The following COL14A1 variants were observed in gnomAD, a reference collection of about 807,000 sequenced individuals.
COL14A1 encodes collagen alpha-1(XIV) chain.
In COL14A1, 136 loss-of-function variants were observed where a neutral mutation model predicts 230.3. The ratio of observed to expected loss-of-function variants is 0.59; its 90% CI spans 0.51 to 0.68. The LOEUF (loss-of-function observed/expected upper bound fraction) is 0.68. COL14A1 is among the 30% of genes least tolerant of loss of function. COL14A1 has a pLI of 0.00. For missense variants in COL14A1, 1,976 were observed against 2,215.8 expected (o/e 0.89, Z 2.17); for synonymous variants, 792 against 784.1 (o/e 1.01, Z -0.17).
At chr8:120,161,646 G>A (rs540917234) in intron 3 of COL14A1, among the ~76,000 whole-genome samples, 9 of 152,150 alleles carry the variant, frequency 5.9e-5, no homozygotes, top group South Asian at 4.2e-4. Context: ...AATTACCTTC[G>A]GCCTGCCCAT....
At chr8:120,192,652 G>T (rs1296734010) in intron 5 of COL14A1, among the ~76,000 whole-genome samples, 1 of 152,100 alleles carries the variant, frequency 6.6e-6, no homozygotes, top group Non-Finnish European at 1.5e-5. Context: ...TTCCAACTTG[G>T]TTCCATTCTC....
At chr8:120,178,642 G>A (rs979901341) in intron 5 of COL14A1, among the ~76,000 whole-genome samples, 10 of 152,132 alleles carry the variant, frequency 6.6e-5, no homozygotes, top group African/African-American at 1.9e-4. Context: ...GATCCTTGAG[G>A]AAATGCCACA....
chr8:120,128,228 CGT>C (rs33988612), intron 1 of COL14A1, among the ~76,000 whole-genome samples: 47,785 of 146,144 alleles, frequency 0.33, 8,072 homozygotes, highest in East Asian at 0.47. Context: ...TGTGCGCGCG[CGT>C]GTGTGTGTGT....
chr8:120,191,944 C>A (rs1191755689), intron 5 of COL14A1, among the ~76,000 whole-genome samples: 1 of 151,824 alleles, frequency 6.6e-6, no homozygotes, highest in Non-Finnish European at 1.5e-5. Context: ...TATGTCTCTG[C>A]ACGTGAGATG....
At chr8:120,163,487 G>C (rs1179193497) in intron 4 of COL14A1, among the ~76,000 whole-genome samples, 1 of 152,136 alleles carries the variant, frequency 6.6e-6, no homozygotes, top group South Asian at 2.1e-4. Flanking sequence ...ACACAGGCTG[G>C]GTGCGTTGAC....
intron 1 of COL14A1, among the ~76,000 whole-genome samples, chr8:120,128,540 G>C (rs1814429542): frequency 6.6e-6 from 1 of 152,162 alleles, no homozygotes; most frequent in Admixed American, 6.5e-5. Flanking sequence ...TTCAAGGCCA[G>C]CATGGCCAAC....
chr8:120,354,254 G>A (rs1346455221), intron 45 of COL14A1, among the ~76,000 whole-genome samples: 1 of 98,920 alleles, frequency 1.0e-5, no homozygotes, highest in Non-Finnish European at 2.0e-5. Flanking sequence ...GGTGGGGGGA[G>A]GGGGGAGGGA....
Position 120,341,180 on chromosome 8 carries a change from T to C in COL14A1, c.4786-145T>C, listed in dbSNP as rs531022628. On this transcript the variant is annotated intron_variant, in intron 42 of 47. Coordinates refer to ENST00000297848, the MANE Select transcript of COL14A1 (RefSeq NM_021110.4). ...TTTGGTGTGCGTACTGGTTGCTGTT[T>C]ATTTTCTGTTGTTGTGTAATGATTT... 94 of 773,296 alleles carry C rather than the reference T, an allele frequency of 1.2e-4. No homozygotes were observed. The East Asian group carries it at 2.4e-3, about 20-fold the overall frequency. The allele number at this position is 773,296 out of a possible 1,614,324, so 47.9% of individuals were successfully genotyped here.
chr8:120,222,009 C>G (rs1817949020), intron 14 of COL14A1, among the ~76,000 whole-genome samples: 1 of 152,054 alleles, frequency 6.6e-6, no homozygotes, highest in Non-Finnish European at 1.5e-5. Context: ...GTTGTATTTT[C>G]TGTGAGCTTA....
At chr8:120,241,795 A>G (rs1818616677) in intron 19 of COL14A1, among the ~76,000 whole-genome samples, 1 of 152,170 alleles carries the variant, frequency 6.6e-6, no homozygotes, top group Admixed American at 6.5e-5. Flanking sequence ...GGGTTTCGGT[A>G]TGGCTCTTTT....
intron 5 of COL14A1, among the ~76,000 whole-genome samples, chr8:120,195,711 A>G (rs1317274897): frequency 6.6e-6 from 1 of 152,110 alleles, no homozygotes; most frequent in Non-Finnish European, 1.5e-5. Flanking sequence ...AAACCATCAG[A>G]TCTTGTGAGA....
intron 36 of COL14A1, among the ~76,000 whole-genome samples, chr8:120,306,681 T>C (rs541665427): frequency 1.3e-5 from 2 of 152,340 alleles, no homozygotes; most frequent in East Asian, 1.9e-4. Flanking sequence ...TGCTGAATTC[T>C]TGTGATATGC....
At chr8:120,288,092 A>G (rs1820262625) in intron 33 of COL14A1, among the ~76,000 whole-genome samples, 1 of 152,088 alleles carries the variant, frequency 6.6e-6, no homozygotes, top group Non-Finnish European at 1.5e-5. Flanking sequence ...CAGGGGTACT[A>G]GAAACTAAGT....
At chr8:120,366,428 G>A (rs1823408348) in intron 45 of COL14A1, among the ~76,000 whole-genome samples, 1 of 152,182 alleles carries the variant, frequency 6.6e-6, no homozygotes, top group Non-Finnish European at 1.5e-5. Flanking sequence ...TATGATGTAA[G>A]CCAGGGTAAC....
rs757018970 is a variant in COL14A1 at position 120,266,849 on chromosome 8, A to T, written c.3039A>T (p.Pro1013=). Residue 1013 remains proline, a synonymous_variant, in exon 25 of 48, where the codon CCA becomes CCT. Coordinates refer to ENST00000297848, the MANE Select transcript of COL14A1 (RefSeq NM_021110.4). ...CAGAATCACTTCCTACACGACCACC[A>T]ACTTTTCCTCCAACCATTCCACCAG... is the stretch of plus-strand genomic sequence containing the variant. ...EKTQSLPTRP[P]TFPPTIPPAK... 6.2e-7 allele frequency: 1 copy of T among 1,612,302 alleles called. No homozygotes were observed. Among genetic ancestry groups the T allele is most frequent in the African/African-American group, 1.3e-5 (1 of 74,790 alleles).
At chr8:120,276,933 G>C (rs1417574569) in intron 26 of COL14A1, among the ~76,000 whole-genome samples, 4 of 152,076 alleles carry the variant, frequency 2.6e-5, no homozygotes, top group African/African-American at 7.2e-5. Context: ...TTGAATTGCA[G>C]GAGACTTTAT....
intron 26 of COL14A1, among the ~76,000 whole-genome samples, chr8:120,276,279 T>C (rs1819841950): frequency 6.6e-6 from 1 of 151,202 alleles, no homozygotes; most frequent in East Asian, 1.9e-4. Flanking sequence ...AAATACCGTA[T>C]GTTCTCACTT....
chr8:120,180,315 A>G (rs572791770), intron 5 of COL14A1, among the ~76,000 whole-genome samples: 1 of 152,298 alleles, frequency 6.6e-6, no homozygotes, highest in Non-Finnish European at 1.5e-5. Flanking sequence ...GCTAATTGAA[A>G]TACTGTTTTC....
intron 23 of COL14A1, among the ~76,000 whole-genome samples, chr8:120,262,453 C>T (rs892432784): frequency 6.6e-6 from 1 of 151,944 alleles, no homozygotes; most frequent in African/African-American, 2.4e-5. Context: ...GCCTGGATGA[C>T]AGAGTGGGAC....
Sources: gnomAD v4.1 joint callset for allele counts (sites outside exome capture counted in the v4.1 genomes callset) on GRCh38, gnomAD v4.1.1 for gene constraint, MANE v1.5 for transcripts, NCBI Gene and HGNC (gene_info 2026-07-23, HGNC 2026-07-21) for gene names.